The following PCDH15 variants were observed in gnomAD, a reference collection of about 807,000 sequenced individuals.
The protein encoded by PCDH15 is protocadherin related 15, also known as protocadherin-15.
PCDH15 carries 129 observed loss-of-function variants against 178.5 expected under a neutral mutation model. That is an observed-to-expected ratio of 0.72 (90% CI 0.63 to 0.84). The LOEUF is 0.84. Ranked by LOEUF, PCDH15 falls within the 40% of genes least tolerant of loss-of-function variation. The pLI, the probability that PCDH15 is intolerant of heterozygous loss-of-function variation, is 0.00. For synonymous variants in PCDH15, 800 were observed against 732.0 expected, an observed-to-expected ratio of 1.09 and a Z score of -1.50; for missense variants, 2,230 against 2,099.9, an observed-to-expected ratio of 1.06 and a Z score of -1.21.
chr10:54,721,887 G>C (rs775072218), intron 1 of PCDH15, among the ~76,000 whole-genome samples: 1 of 151,722 alleles, frequency 6.6e-6, no homozygotes, highest in Non-Finnish European at 1.5e-5. Flanking sequence ...GTATCATCTT[G>C]ATAACAAAAT....
chr10:54,950,694 A>G (rs1266008446), intron 2 of PCDH15, among the ~76,000 whole-genome samples: 3 of 151,980 alleles, frequency 2.0e-5, no homozygotes, highest in Non-Finnish European at 4.4e-5. Flanking sequence ...AGATCTCATG[A>G]GAACTCACTC....
chr10:54,022,601 G>A (rs1447045230), intron 19 of PCDH15, among the ~76,000 whole-genome samples: 2 of 151,734 alleles, frequency 1.3e-5, no homozygotes, highest in African/African-American at 2.4e-5. Context: ...GTCAACTGTT[G>A]GAATAAACAG....
At chr10:55,437,871 CTT>C (rs913669232) in intron 2 of PCDH15, among the ~76,000 whole-genome samples, 3 of 85,796 alleles carry the variant, frequency 3.5e-5, no homozygotes, top group Admixed American at 1.6e-4. Context: ...GAGTTTTGCT[CTT>C]GTTTCCCAGG....
chr10:55,072,314 T>C (rs1177415597), intron 2 of PCDH15, among the ~76,000 whole-genome samples: 5 of 151,928 alleles, frequency 3.3e-5, no homozygotes, highest in Non-Finnish European at 7.4e-5. Flanking sequence ...CAGGAGCTGG[T>C]TTTGTGAAAG....
chr10:53,996,748 C>A (rs2091869694), intron 20 of PCDH15, among the ~76,000 whole-genome samples: 1 of 152,020 alleles, frequency 6.6e-6, no homozygotes, highest in Admixed American at 6.6e-5. Context: ...ATTCATATGG[C>A]AGATTTATTT....
At chr10:55,156,118 A>G (rs1313491898) in intron 2 of PCDH15, among the ~76,000 whole-genome samples, 2 of 152,164 alleles carry the variant, frequency 1.3e-5, no homozygotes, top group Non-Finnish European at 2.9e-5. Flanking sequence ...AATCCATTGC[A>G]CAAATAATTT....
chr10:54,308,959 T>C (rs2060723508), intron 8 of PCDH15, among the ~76,000 whole-genome samples: 1 of 152,118 alleles, frequency 6.6e-6, no homozygotes, highest in African/African-American at 2.4e-5. Context: ...ATTTATCATT[T>C]GTTTCTTCAA....
intron 2 of PCDH15, among the ~76,000 whole-genome samples, chr10:55,363,193 C>A (rs754268528): frequency 2.0e-5 from 3 of 152,164 alleles, no homozygotes; most frequent in Middle Eastern, 3.4e-3. Context: ...TTCAATGTAC[C>A]GATGAATATT....
intron 2 of PCDH15, among the ~76,000 whole-genome samples, chr10:55,586,041 TC>T (rs754112415): frequency 6.6e-6 from 1 of 152,108 alleles, no homozygotes; most frequent in Non-Finnish European, 1.5e-5. Context: ...ATCATCATCA[TC>T]ACCATCATCA....
In PCDH15 at chr10:54,247,963, C is replaced by T. The variant is rs867866879; in HGVS notation, c.877-11032G>A. On this transcript the variant is annotated intron_variant, in intron 8 of 37. Transcript: ENST00000644397. ...ATATATATATATATATATATATACA[C>T]ATACAGTAAATGACATTCTTAATAT... Among the ~76,000 whole-genome samples the T allele has an allele frequency of 6.6e-3, 883 of 134,266 alleles. 9 individuals are homozygous for T. Among genetic ancestry groups the T allele is most frequent in the African/African-American group, 0.024 (723 of 30,538 alleles). The allele number at this position is 134,266 out of a possible 152,430, so 88.1% of individuals were successfully genotyped here. A position where few individuals can be genotyped will look rare whatever the true frequency, so the allele number is the denominator to read the frequency against.
chr10:55,026,458 T>C (rs1230805224), intron 2 of PCDH15, among the ~76,000 whole-genome samples: 3 of 151,962 alleles, frequency 2.0e-5, no homozygotes, highest in Non-Finnish European at 4.4e-5. Flanking sequence ...GGTTTTCAGA[T>C]AGGGACATTG....
chr10:54,705,970 G>C (rs1349746386), intron 1 of PCDH15, among the ~76,000 whole-genome samples: 7 of 152,046 alleles, frequency 4.6e-5, no homozygotes, highest in Non-Finnish European at 1.0e-4. Context: ...GTGGAGATTA[G>C]GCATCTTAAA....
intron 18 of PCDH15, among the ~76,000 whole-genome samples, chr10:54,054,940 T>C (rs187188909): frequency 6.6e-6 from 1 of 152,166 alleles, no homozygotes; most frequent in Admixed American, 6.5e-5. Flanking sequence ...TTTTAGGCAC[T>C]GTTGAGTGTC....
intron 3 of PCDH15, among the ~76,000 whole-genome samples, chr10:54,848,835 G>A (rs1260767188): frequency 6.6e-6 from 1 of 152,088 alleles, no homozygotes; most frequent in Non-Finnish European, 1.5e-5. Context: ...CAGCAGAGAG[G>A]CTAGATGAGG....
At chr10:55,066,243 T>A (rs972101461) in intron 2 of PCDH15, among the ~76,000 whole-genome samples, 1 of 151,522 alleles carries the variant, frequency 6.6e-6, no homozygotes, top group Non-Finnish European at 1.5e-5. Context: ...TGTGATTTTA[T>A]TTTAATTTTT....
At chr10:55,069,772 T>C (rs1462470092) in intron 2 of PCDH15, among the ~76,000 whole-genome samples, 17 of 147,430 alleles carry the variant, frequency 1.2e-4, no homozygotes, top group African/African-American at 3.7e-4. Flanking sequence ...GCATGATTTA[T>C]AGTCCTTTGG....
At chr10:54,524,404 G>A (rs1005578739) in intron 3 of PCDH15, among the ~76,000 whole-genome samples, 1 of 152,200 alleles carries the variant, frequency 6.6e-6, no homozygotes, top group Non-Finnish European at 1.5e-5. Context: ...TTACGTAGCA[G>A]TGCCTGTACA....
chr10:55,264,293 T>C (rs558330194), intron 1 of PCDH15, among the ~76,000 whole-genome samples: 1 of 152,180 alleles, frequency 6.6e-6, no homozygotes, highest in African/African-American at 2.4e-5. Flanking sequence ...ACAATATAAA[T>C]GGGCAAGACC....
At chr10:54,907,250 C>A (rs1433814584) in intron 2 of PCDH15, among the ~76,000 whole-genome samples, 3 of 152,078 alleles carry the variant, frequency 2.0e-5, no homozygotes, top group Non-Finnish European at 4.4e-5. Flanking sequence ...TAAATATATT[C>A]CAGGTATGCT....
Sources: allele counts gnomAD v4.1 joint callset (sites outside exome capture counted in the v4.1 genomes callset), GRCh38; gene constraint gnomAD v4.1.1; transcripts MANE v1.5; gene names NCBI Gene and HGNC (gene_info 2026-07-23, HGNC 2026-07-21).